Variants in HNRNPL observed in about 807,000 individuals in gnomAD.
HNRNPL encodes heterogeneous nuclear ribonucleoprotein L, also known as epididymis secretory sperm binding protein.
A neutral mutation model predicts 64.0 loss-of-function variants in HNRNPL; 12 were observed. The ratio of observed to expected loss-of-function variants is 0.19; its 90% CI spans 0.12 to 0.30. The LOEUF is 0.30. Among genes scored for constraint, HNRNPL ranks in the 10% least tolerant of loss-of-function variants. HNRNPL has a pLI of 1.00. For missense variants in HNRNPL, 484 were observed against 797.4 expected, an observed-to-expected ratio of 0.61 and a Z score of 4.73; for synonymous variants, 385 against 313.0, an observed-to-expected ratio of 1.23 and a Z score of -2.43.
Position 38,847,405 on chromosome 19 carries a change from A to T in HNRNPL, c.297T>A (p.Pro99=). The stretch of plus-strand genomic sequence containing the variant: ...CCCTGATGTGGACAACTGGGGAGGC[A>T]GGGGTTTTGTGCGGGTCATCGTAGT... ...GENYDDPHKT[P]ASPVVHIRGL... Residue 99 remains proline, a synonymous_variant, in exon 2 of 13, where the codon CCT becomes CCA. Coordinates refer to ENST00000221419, the MANE Select transcript of HNRNPL (RefSeq NM_001533.3). 1 of 1,551,944 alleles carries T rather than the reference A, an allele frequency of 6.4e-7. No homozygotes were observed. The highest frequency in any genetic ancestry group is 8.7e-7 in the Non-Finnish European group (1 of 1,150,224).
chr19:38,837,655 CAAAAG>C lies in HNRNPL; in HGVS notation c.1558-9_1558-5del, dbSNP rs750551339. 4.3e-6 allele frequency: 7 copies of C among 1,614,016 alleles called. No homozygotes were observed. The highest frequency in any genetic ancestry group is 5.9e-6 in the Non-Finnish European group (7 of 1,179,892). On this transcript the variant is annotated splice_region_variant and splice_polypyrimidine_tract_variant and intron_variant, in intron 10 of 12. Transcript: ENST00000221419. Reference sequence around the variant, plus strand: ...TCACTCCCAGCTCATCGCAGATCTGCAAAAGAAAACAGGTAGTAAATGAACTCTGA... The same window carrying C: ...TCACTCCCAGCTCATCGCAGATCTGCAAAACAGGTAGTAAATGAACTCTGA...
intron 9 of HNRNPL, 73 bp downstream of exon 9, chr19:38,838,821 C>T (rs1972015415): frequency 6.3e-7 from 1 of 1,597,176 alleles, no homozygotes; most frequent in Admixed American, 1.7e-5. Flanking sequence ...TCACTGTGCT[C>T]CTCTGCTGGG....
chr19:38,846,325 G>A (rs10405685), intron 2 of HNRNPL, among the ~76,000 whole-genome samples: 7,293 of 152,210 alleles, frequency 0.048, 513 homozygotes, highest in African/African-American at 0.15. Flanking sequence ...CAGACTGTCA[G>A]ATGCCACCCA....
chr19:38,852,078 G>T (rs1272955348), upstream of HNRNPL, among the ~76,000 whole-genome samples: 1 of 138,386 alleles, frequency 7.2e-6, no homozygotes, highest in African/African-American at 2.7e-5. Flanking sequence ...CGGCCCGGAC[G>T]CCCCTCGCGC....
chr19:38,839,477 G>C, intron 8 of HNRNPL: 1 of 174,982 alleles, frequency 5.7e-6, no homozygotes, highest in Non-Finnish European at 1.2e-5. Flanking sequence ...CGTTATTTAA[G>C]CCCCGTCCTC....
rs765642808 is a variant in HNRNPL at position 38,837,667 on chromosome 19, G to A, written c.1558-16C>T. ...CATCGCAGATCTGCAAAAGAAAACA[G>A]GTAGTAAATGAACTCTGAAACAAAA... On this transcript the variant is annotated splice_polypyrimidine_tract_variant and intron_variant, in intron 10 of 12. Transcript: ENST00000221419. 6 of 1,613,056 alleles carry A rather than the reference G, an allele frequency of 3.7e-6. No individual in the cohort carries two copies. The highest frequency in any genetic ancestry group is 5.1e-6 in the Non-Finnish European group (6 of 1,179,240).
chr19:38,840,626 C>T (rs1972085853), intron 6 of HNRNPL, 67 bp from the exon 7 acceptor site: 1 of 1,281,332 alleles, frequency 7.8e-7, no homozygotes, highest in Non-Finnish European at 1.1e-6. Flanking sequence ...CTCCTGACTG[C>T]ACAGGCTGAT....
At position 38,845,915 on chromosome 19, in the gene HNRNPL, A is replaced by C; in HGVS notation, c.562T>G (p.Ser188Ala). 6.2e-7 allele frequency: 1 copy of C among 1,614,210 alleles called. No homozygotes were observed. The highest frequency in any genetic ancestry group is 8.5e-7 in the Non-Finnish European group (1 of 1,180,040). The part of the protein sequence containing the change: ...KISRPGDSDD[S>A]RSVNSVLLFT... ...AGAAGCACACTGTTCACGCTCCGGG[A>C]GTCATCCGAGTCCCCAGGGCGGGAG... The change falls in exon 3 of 13, where the codon TCC (serine) becomes GCC (alanine). Residue 188 changes from serine (S) to alanine (A), a missense_variant. Ser to Ala is a moderately conservative substitution (Grantham distance 99, BLOSUM62 1). This residue lies in a region of HNRNPL where 60 missense variants were observed against 192.2 expected (regional missense o/e 0.31). Coordinates refer to ENST00000221419, the MANE Select transcript of HNRNPL (RefSeq NM_001533.3).
chr19:38,845,806 G>A (rs562354417), intron 3 of HNRNPL, 47 bp downstream of exon 3: 2 of 1,596,386 alleles, frequency 1.3e-6, no homozygotes, highest in Non-Finnish European at 1.7e-6. Context: ...GGGAATAAGG[G>A]GAGAAAAGGA....
upstream of HNRNPL, among the ~76,000 whole-genome samples, chr19:38,852,112 C>T (rs1015469430): frequency 7.3e-6 from 1 of 136,426 alleles, no homozygotes; most frequent in Non-Finnish European, 1.5e-5. Context: ...CGGAGCACGG[C>T]GGAACGGTCT....
Position 38,847,311 on chromosome 19 carries a change from A to G in HNRNPL, c.386+5T>C. On this transcript the variant is annotated splice_donor_5th_base_variant and intron_variant, in intron 2 of 12. Coordinates refer to ENST00000221419, the MANE Select transcript of HNRNPL (RefSeq NM_001533.3). ...AGCCCAACACCTGGCCTCTGAGCCC[A>G]GTACCTGATGGGTCCAAACTCCTGC... The G allele has an allele frequency of 9.8e-6, 14 of 1,424,456 alleles. No homozygotes were observed. The highest frequency in any genetic ancestry group is 1.2e-5 in the Non-Finnish European group (13 of 1,068,734). 88.2% of individuals were successfully genotyped at this position (1,424,456 alleles called of 1,614,324 possible). A position where few individuals can be genotyped will look rare whatever the true frequency, so the allele number is the denominator to read the frequency against.
rs753178935 is a variant in HNRNPL, at chr19:38,844,020, G to C, written c.795C>G (p.Ile265Met). 6 of 1,613,408 alleles carry C rather than the reference G, an allele frequency of 3.7e-6. No homozygotes were observed. Among genetic ancestry groups the C allele is most frequent in the South Asian group, 2.2e-5 (2 of 91,064 alleles). The change falls in exon 5 of 13, where the codon ATC (isoleucine) becomes ATG (methionine). Residue 265 changes from isoleucine to methionine, a missense_variant. Ile to Met is a conservative substitution (Grantham distance 10). Around this residue, in one of 9 missense-constraint regions of HNRNPL, gnomAD observed 60 missense variants for 192.2 expected, o/e 0.31. Transcript: ENST00000221419. Reference sequence around the variant, plus strand: ...CTCCCAGATGTACCTTTGCGTATTCGATCTTCAGAGTGCAACAGCCAGAAT... The same window carrying C: ...CTCCCAGATGTACCTTTGCGTATTCCATCTTCAGAGTGCAACAGCCAGAAT... ...DIYSGCCTLK[I>M]EYAKPTRLNV...
chr19:38,850,352 C>T (rs1184021499), upstream of HNRNPL: 2 of 201,684 alleles, frequency 9.9e-6, no homozygotes, highest in Non-Finnish European at 2.0e-5. Flanking sequence ...CCGTCAGCAC[C>T]AGTCACAATG....
chr19:38,848,268 T>C (rs1450083799), intron 1 of HNRNPL, among the ~76,000 whole-genome samples: 2 of 152,174 alleles, frequency 1.3e-5, no homozygotes, highest in Middle Eastern at 3.4e-3. Context: ...TTTTTTTGTA[T>C]TTTTAGTAGA....
chr19:38,845,579 AAAG>A, intron 4 of HNRNPL, 68 bp downstream of exon 4: 1 of 1,270,016 alleles, frequency 7.9e-7, no homozygotes, highest in Non-Finnish European at 1.2e-6. Flanking sequence ...ATGCTGGCTC[AAAG>A]AATGGCCACT....
At chr19:38,850,835 T>G (rs1972485985), upstream of HNRNPL, among the ~76,000 whole-genome samples, 2 of 152,234 alleles carry the variant, frequency 1.3e-5, no homozygotes, top group Non-Finnish European at 2.9e-5. Flanking sequence ...CTTCGGACCC[T>G]GTCCAGTTCT....
rs1600059917 is a variant in HNRNPL at position 38,843,768 on chromosome 19, C to G, written c.880+74G>C. ...CCAATGGCATTACATAACCCTGAGC[C>G]CAGGCCTATTAAGTGCACTAGTCGA... On this transcript the variant is annotated intron_variant, in intron 6 of 12. Transcript: ENST00000221419. The G allele has an allele frequency of 2.4e-6, 3 of 1,264,928 alleles. No individual in the cohort carries two copies. In the Admixed American group the frequency reaches 5.1e-5, roughly 22 times the overall value. 78.4% of individuals were successfully genotyped at this position (1,264,928 alleles called of 1,614,324 possible).
chr19:38,848,256 A>G (rs975643237), intron 1 of HNRNPL, among the ~76,000 whole-genome samples: 3 of 151,762 alleles, frequency 2.0e-5, no homozygotes, highest in Non-Finnish European at 4.4e-5. Context: ...ACACCTGGCT[A>G]ATTTTTTTGT....
intron 12 of HNRNPL, 195 bp from the exon 13 acceptor site, chr19:38,836,975 C>T: frequency 1.8e-6 from 1 of 565,370 alleles, no homozygotes; most frequent in Non-Finnish European, 3.2e-6. Flanking sequence ...TCCTTCATTC[C>T]CATAGAGAAT....
Sources: allele counts gnomAD v4.1 joint callset (sites outside exome capture counted in the v4.1 genomes callset), GRCh38; gene constraint gnomAD v4.1.1; regional missense constraint gnomAD v4.1.1; transcripts MANE v1.5; gene names NCBI Gene and HGNC (gene_info 2026-07-23, HGNC 2026-07-21).